The following ST7 variants were observed in gnomAD, a reference collection of about 807,000 sequenced individuals.
ST7 encodes suppression of tumorigenicity 7, also known as suppressor of tumorigenicity 7 protein.
In ST7, 28 loss-of-function variants were observed where a neutral mutation model predicts 78.7. The observed-to-expected ratio is 0.36, with a 90% CI of 0.26 to 0.49. The LOEUF is 0.49. ST7 is among the 20% of genes least tolerant of loss of function. The pLI is 0.99. For synonymous variants in ST7, 247 were observed against 249.6 expected (o/e 0.99, Z 0.10); for missense variants, 418 against 696.0 (o/e 0.60, Z 4.49).
At position 117,099,823 on chromosome 7, in the gene ST7, A is replaced by G. The variant is rs567991907; in HGVS notation, c.213A>G (p.Ser71=). ...ACGTGGCCCTAACAGGCACTTCCTC[A>G]CTAATATCAGGGCTTATTTTGGTAA... ...KFYVALTGTS[S]LISGLILIFE... Residue 71 remains serine (S), a synonymous_variant, in exon 2 of 16, where the codon TCA becomes TCG. Transcript: ENST00000323984. The G allele has an allele frequency of 1.9e-6, 3 of 1,613,550 alleles. No homozygotes were observed. The highest frequency in any genetic ancestry group is 1.3e-5 in the African/African-American group (1 of 74,996).
chr7:117,028,858 G>A (rs1310552129), intron 1 of ST7, among the ~76,000 whole-genome samples: 2 of 152,030 alleles, frequency 1.3e-5, no homozygotes, highest in Non-Finnish European at 2.9e-5. Context: ...TTGACTTAGG[G>A]CTCAGCTGGG....
At chr7:117,088,175 A>T (rs1800307184) in intron 1 of ST7, among the ~76,000 whole-genome samples, 1 of 152,214 alleles carries the variant, frequency 6.6e-6, no homozygotes, top group Admixed American at 6.5e-5. Flanking sequence ...AAGGAAGGAC[A>T]TCCCATTCAT....
chr7:117,150,968 C>T (rs889043347), intron 9 of ST7, among the ~76,000 whole-genome samples: 1 of 152,306 alleles, frequency 6.6e-6, no homozygotes, highest in Admixed American at 6.5e-5. Context: ...CTTTCACATT[C>T]AATTAATATG....
chr7:116,993,107 G>A (rs1296390201), intron 1 of ST7, among the ~76,000 whole-genome samples: 2 of 152,076 alleles, frequency 1.3e-5, no homozygotes, highest in African/African-American at 4.8e-5. Flanking sequence ...GTCTTCTTCT[G>A]AGCCTTCCAA....
chr7:116,972,335 T>C (rs1793468717), intron 1 of ST7: 1 of 604,604 alleles, frequency 1.7e-6, no homozygotes, highest in East Asian at 3.0e-5. Context: ...AATTTATCAG[T>C]AAGAATCTTG....
chr7:117,102,212 T>C (rs1365321295), intron 2 of ST7, among the ~76,000 whole-genome samples: 1 of 152,234 alleles, frequency 6.6e-6, no homozygotes, highest in Non-Finnish European at 1.5e-5. Context: ...CTATTATTAC[T>C]TTGCAAAGAA....
chr7:117,065,194 T>C (rs1367307370), intron 1 of ST7, among the ~76,000 whole-genome samples: 1 of 149,302 alleles, frequency 6.7e-6, no homozygotes, highest in East Asian at 2.0e-4. Flanking sequence ...GAGGGCTTTT[T>C]GGTTCAAGTC....
chr7:117,054,674 C>T (rs1470104900), intron 1 of ST7, among the ~76,000 whole-genome samples: 5 of 152,176 alleles, frequency 3.3e-5, no homozygotes, highest in Non-Finnish European at 7.3e-5. Flanking sequence ...ACAAATATGT[C>T]TTCATGGGTG....
chr7:116,956,453 G>C (rs988857256), intron 1 of ST7: 1 of 470,972 alleles, frequency 2.1e-6, no homozygotes, highest in African/African-American at 2.0e-5. Context: ...CTGTGATGAA[G>C]GCAAGTGTGT....
chr7:117,154,726 T>C (rs1415108464), intron 9 of ST7, among the ~76,000 whole-genome samples: 1 of 152,196 alleles, frequency 6.6e-6, no homozygotes, highest in Non-Finnish European at 1.5e-5. Context: ...GTTGTTCCTC[T>C]ATACCTCATA....
chr7:117,034,549 A>G (rs1041493971), intron 1 of ST7, among the ~76,000 whole-genome samples: 1 of 152,166 alleles, frequency 6.6e-6, no homozygotes, highest in Non-Finnish European at 1.5e-5. Context: ...ATTCATGAAA[A>G]TGTCTGAAAT....
intron 9 of ST7, among the ~76,000 whole-genome samples, chr7:117,169,159 G>C (rs1376525061): frequency 7.3e-6 from 1 of 136,208 alleles, no homozygotes; most frequent in African/African-American, 2.7e-5. Context: ...TTTTTGAGAC[G>C]GAGTCTCACT....
chr7:116,987,331 G>T (rs982608496), intron 1 of ST7, among the ~76,000 whole-genome samples: 14 of 152,330 alleles, frequency 9.2e-5, no homozygotes, highest in African/African-American at 3.4e-4. Flanking sequence ...AGGCACAGGA[G>T]TAGACTTACT....
intron 1 of ST7, among the ~76,000 whole-genome samples, chr7:116,974,538 G>T (rs1793602726): frequency 6.6e-6 from 1 of 152,200 alleles, no homozygotes; most frequent in East Asian, 1.9e-4. Flanking sequence ...TGATCCACCT[G>T]CCTCGGTCTC....
intron 1 of ST7, among the ~76,000 whole-genome samples, chr7:117,029,297 T>C: frequency 6.6e-6 from 1 of 152,128 alleles, no homozygotes; most frequent in Non-Finnish European, 1.5e-5. Flanking sequence ...ATTTTGTGGG[T>C]GTGTAATGGT....
At chr7:117,016,835 G>A (rs1302303363) in intron 1 of ST7, among the ~76,000 whole-genome samples, 1 of 152,122 alleles carries the variant, frequency 6.6e-6, no homozygotes, top group African/African-American at 2.4e-5. Flanking sequence ...ATTAAACTTT[G>A]AAGAGAACAA....
intron 1 of ST7, among the ~76,000 whole-genome samples, chr7:117,013,296 A>G (rs1319051237): frequency 6.6e-6 from 1 of 152,228 alleles, no homozygotes; most frequent in Non-Finnish European, 1.5e-5. Context: ...TCAGGAAGAA[A>G]TTATATCAAA....
intron 6 of ST7, 60 bp from the exon 7 acceptor site, chr7:117,134,063 AC>A: frequency 1.9e-6 from 3 of 1,597,832 alleles, no homozygotes; most frequent in Admixed American, 1.7e-5. Flanking sequence ...TGACATAGTG[AC>A]TCTCTCTGAA....
chr7:117,099,047 A>AAAC, intron 1 of ST7, among the ~76,000 whole-genome samples: 1 of 62,904 alleles, frequency 1.6e-5, no homozygotes, highest in South Asian at 6.0e-4. Flanking sequence ...TCACTTTCGC[A>AAAC]AAAAAAAAAA....
Sources: allele counts gnomAD v4.1 joint callset (sites outside exome capture counted in the v4.1 genomes callset), GRCh38; gene constraint gnomAD v4.1.1; transcripts MANE v1.5; gene names NCBI Gene and HGNC (gene_info 2026-07-23, HGNC 2026-07-21).